SGO1: variants seen among roughly 807,000 people sequenced by gnomAD.
The protein encoded by SGO1 is serologically defined breast cancer antigen NY-BR-85.
Under a neutral mutation model 50.5 loss-of-function variants are expected in SGO1, and 39 were observed. The observed-to-expected ratio is 0.77, with a 90% CI of 0.60 to 1.01. SGO1 has a LOEUF of 1.01. Ranked by LOEUF, SGO1 falls within the 50% of genes least tolerant of loss-of-function variation. The pLI is 0.00. For missense variants in SGO1, 638 were observed against 606.0 expected (o/e 1.05, Z -0.55); for synonymous variants, 191 against 205.1 (o/e 0.93, Z 0.59).
rs565537955 is a variant in SGO1 at position 20,172,456 on chromosome 3, G to T, written c.1283-1224C>A. ...GCGGAGGTTGGGATGAGCTGAGATCGTGCCACTGCACTGTAGCCTGGGCAA... is the reference window on the plus strand; with the variant it reads ...GCGGAGGTTGGGATGAGCTGAGATCTTGCCACTGCACTGTAGCCTGGGCAA... On this transcript the variant is annotated intron_variant, in intron 6 of 7. Coordinates refer to ENST00000412997, the MANE Select transcript of SGO1 (RefSeq NM_001199251.3). 1.6e-4 allele frequency among the ~76,000 whole-genome samples: 23 copies of T among 148,092 alleles called. 1 individual carries two copies. The highest frequency in any genetic ancestry group is 6.1e-4 in the Admixed American group (9 of 14,658).
chr3:20,169,582 C>G lies in SGO1; in HGVS notation c.*1122G>C. ...AAGTATAGACATCAAACTTTCTAAA[C>G]TGAACTAATTCGCTTTCATTGGTTG... On this transcript the variant is annotated 3_prime_UTR_variant, in exon 8 of 8. Transcript: ENST00000412997. The G allele has an allele frequency of 1.0e-6, 1 of 985,288 alleles. No individual in the cohort carries two copies. Among genetic ancestry groups the G allele is most frequent in the Non-Finnish European group, 1.2e-6 (1 of 829,792 alleles). 61.0% of individuals were successfully genotyped at this position (985,288 alleles called of 1,614,324 possible). A position where few individuals can be genotyped will look rare whatever the true frequency, so the allele number is the denominator to read the frequency against.
At chr3:20,168,026 T>C (rs567472569), downstream of SGO1, among the ~76,000 whole-genome samples, 14 of 152,254 alleles carry the variant, frequency 9.2e-5, no homozygotes, top group South Asian at 4.1e-4. Context: ...AAAAACAATA[T>C]TGAGTTAAAA....
At chr3:20,167,186 T>C (rs1700349034), downstream of SGO1, among the ~76,000 whole-genome samples, 1 of 152,094 alleles carries the variant, frequency 6.6e-6, no homozygotes, top group Non-Finnish European at 1.5e-5. Flanking sequence ...AAGAAGACAT[T>C]AGTCAATGAA....
chr3:20,168,427 CTTTTT>C (rs112112060), downstream of SGO1, among the ~76,000 whole-genome samples: 2 of 135,056 alleles, frequency 1.5e-5, no homozygotes, highest in Admixed American at 7.4e-5. Flanking sequence ...CAAATGTTTG[CTTTTT>C]TTTTTTTTTT....
At chr3:20,178,646 C>T (rs1446612166) in intron 3 of SGO1, among the ~76,000 whole-genome samples, 2 of 152,204 alleles carry the variant, frequency 1.3e-5, no homozygotes, top group African/African-American at 4.8e-5. Flanking sequence ...TTGGATTGCT[C>T]TTTTAAATAC....
chr3:20,181,839 C>T (rs1162634346), intron 3 of SGO1, among the ~76,000 whole-genome samples: 1 of 152,110 alleles, frequency 6.6e-6, no homozygotes, highest in Non-Finnish European at 1.5e-5. Flanking sequence ...AATCCCAGCA[C>T]TTGGGGAGGC....
At chr3:20,176,249 C>T (rs1297232940) in intron 5 of SGO1, among the ~76,000 whole-genome samples, 2 of 151,998 alleles carry the variant, frequency 1.3e-5, no homozygotes, top group Non-Finnish European at 2.9e-5. Flanking sequence ...GATATTTTAC[C>T]TTCTTGAGTT....
At chr3:20,175,811 T>A (rs1442199825) in intron 5 of SGO1, among the ~76,000 whole-genome samples, 2 of 147,344 alleles carry the variant, frequency 1.4e-5, no homozygotes, top group African/African-American at 5.0e-5. Context: ...AAAAAAAAAT[T>A]ATAACAGGCT....
intron 7 of SGO1, 65 bp from the exon 8 acceptor site, chr3:20,170,880 A>G (rs1253509342): frequency 1.3e-6 from 2 of 1,542,602 alleles, no homozygotes; most frequent in African/African-American, 2.8e-5. Flanking sequence ...ACTCTTCCCT[A>G]CCAAGTTATG....
Position 20,170,753 on chromosome 3 carries a change from T to G in SGO1, c.1535A>C (p.Gln512Pro). 6.3e-7 allele frequency: 1 copy of G among 1,594,272 alleles called. No homozygotes were observed. Among genetic ancestry groups the G allele is most frequent in the Non-Finnish European group, 8.5e-7 (1 of 1,175,532 alleles). The change falls in exon 8 of 8, where the codon CAG becomes CCG. Residue 512 changes from glutamine to proline, a missense_variant. Coordinates refer to ENST00000412997, the MANE Select transcript of SGO1 (RefSeq NM_001199251.3). Reference sequence around the variant, plus strand: ...TTTAGAACGTCTCAAATCCTTTTTCTGCTTGAAAATAGGAGAATTCAAAAA... The same window carrying G: ...TTTAGAACGTCTCAAATCCTTTTTCGGCTTGAAAATAGGAGAATTCAAAAA... Reference protein sequence around the residue: ...LCFLNSPIFKQKKDLRRSKKS... With the variant: ...LCFLNSPIFKPKKDLRRSKKS...
In SGO1 at chr3:20,186,150, G is replaced by A. The variant is rs987440460; in HGVS notation, c.-210C>T. 1.3e-5 allele frequency: 2 copies of A among 152,568 alleles called. No homozygotes were observed. Among genetic ancestry groups the A allele is most frequent in the African/African-American group, 4.8e-5 (2 of 41,464 alleles). The allele number at this position is 152,568 out of a possible 1,614,324, so 9.5% of individuals were successfully genotyped here. ...CAGCCACGGCTAGCCCCGCGCACTG[G>A]GCCCTCCAGGACCGTACCACCGTCC... On this transcript the variant is annotated 5_prime_UTR_variant, in exon 1 of 8. Transcript: ENST00000412997.
downstream of SGO1, among the ~76,000 whole-genome samples, chr3:20,168,138 A>G (rs1268445330): frequency 6.6e-6 from 1 of 152,240 alleles, no homozygotes; most frequent in Non-Finnish European, 1.5e-5. Flanking sequence ...CTATAGGAAC[A>G]CTAAAAATAC....
downstream of SGO1, among the ~76,000 whole-genome samples, chr3:20,168,516 C>T (rs888917813): frequency 7.3e-5 from 11 of 151,178 alleles, no homozygotes; most frequent in African/African-American, 2.4e-4. Flanking sequence ...CTAGATTTGG[C>T]CCATAGTCCA....
In SGO1 at chr3:20,174,873, A is replaced by G; in HGVS notation, c.658T>C (p.Ser220Pro). 6 of 1,614,048 alleles carry G rather than the reference A, an allele frequency of 3.7e-6. No homozygotes were observed. Among genetic ancestry groups the G allele is most frequent in the Non-Finnish European group, 5.1e-6 (6 of 1,179,988 alleles). ...DFETSHLAGK[S>P]FEFERVGFLD... is the part of the protein sequence containing the mutation. Reference sequence around the variant, plus strand: ...AATCCAACTCTTTCGAATTCAAAAGACTTCCCTGCCAAATGACTGGTTTCA... The same window carrying G: ...AATCCAACTCTTTCGAATTCAAAAGGCTTCCCTGCCAAATGACTGGTTTCA... Residue 220 changes from serine to proline, a missense_variant, in exon 6 of 8, where the codon TCT becomes CCT. Transcript: ENST00000412997.
chr3:20,167,697 T>C (rs914495240), downstream of SGO1, among the ~76,000 whole-genome samples: 1 of 152,214 alleles, frequency 6.6e-6, no homozygotes, highest in African/African-American at 2.4e-5. Context: ...TACTGGAACT[T>C]AGAAACTGCT....
At chr3:20,169,364 C>T, downstream of SGO1, 7 of 949,220 alleles carry the variant, frequency 7.4e-6, no homozygotes, top group South Asian at 2.4e-4. Context: ...ACCTAGAACA[C>T]CCCCCCCTCA....
chr3:20,183,718 C>CTTT lies in SGO1; in HGVS notation c.226_228dup (p.Lys76dup). The CTTT allele has an allele frequency of 2.5e-6, 4 of 1,613,334 alleles. No individual in the cohort carries two copies. The highest frequency in any genetic ancestry group is 3.4e-6 in the Non-Finnish European group (4 of 1,179,806). ...AGCTGTAGGATGATATCTTGGGCTTCTTTCACTTTGGATTTTTCATTTTCC... is the reference window on the plus strand; with the variant it reads ...AGCTGTAGGATGATATCTTGGGCTTCTTTTTTCACTTTGGATTTTTCATTTTCC... On this transcript the variant is annotated inframe_insertion, in exon 3 of 8. Transcript: ENST00000412997.
At chr3:20,169,359 G>C, downstream of SGO1, 2 of 984,272 alleles carry the variant, frequency 2.0e-6, no homozygotes, top group Non-Finnish European at 2.4e-6. Flanking sequence ...AACTCACCTA[G>C]AACACCCCCC....
At chr3:20,174,193 G>T in intron 6 of SGO1, 56 bp downstream of exon 6, 1 of 1,325,660 alleles carries the variant, frequency 7.5e-7, no homozygotes, top group Non-Finnish European at 1.1e-6. Context: ...ATAAGCATCA[G>T]GAGTGATCAT....
Sources: gnomAD v4.1 joint callset for allele counts (sites outside exome capture counted in the v4.1 genomes callset) on GRCh38, gnomAD v4.1.1 for gene constraint, MANE v1.5 for transcripts, NCBI Gene and HGNC (gene_info 2026-07-23, HGNC 2026-07-21) for gene names.